CAMTA1: variants seen among roughly 807,000 people sequenced by gnomAD.
CAMTA1 encodes the protein calmodulin-binding transcription activator 1.
In CAMTA1, 27 loss-of-function variants were observed where a neutral mutation model predicts 170.9. The ratio of observed to expected loss-of-function variants is 0.16; its 90% CI spans 0.12 to 0.22. CAMTA1 has a LOEUF of 0.22. CAMTA1 is among the 10% of genes least tolerant of loss of function. The probability of loss-of-function intolerance (pLI) is 1.00; values close to 1 mark genes in which losing one functional copy is unlikely to be tolerated. For missense variants in CAMTA1, 1,619 were observed against 2,217.2 expected, an observed-to-expected ratio of 0.73 and a Z score of 5.42; for synonymous variants, 833 against 891.5, an observed-to-expected ratio of 0.93 and a Z score of 1.17.
chr1:7,226,840 AT>A (rs1331246029), intron 4 of CAMTA1, among the ~76,000 whole-genome samples: 7 of 148,844 alleles, frequency 4.7e-5, no homozygotes, highest in African/African-American at 9.9e-5. Context: ...TTTATTTTTT[AT>A]TTTTTTTTTG....
intron 5 of CAMTA1, among the ~76,000 whole-genome samples, chr1:7,373,767 T>A (rs1337325885): frequency 6.6e-6 from 1 of 152,276 alleles, no homozygotes; most frequent in Non-Finnish European, 1.5e-5. Flanking sequence ...AAATACCCCA[T>A]CAATAGTGCA....
intron 6 of CAMTA1, among the ~76,000 whole-genome samples, chr1:7,526,467 G>A (rs2094433080): frequency 6.6e-6 from 1 of 152,200 alleles, no homozygotes; most frequent in Non-Finnish European, 1.5e-5. Flanking sequence ...CTGAGGCCTG[G>A]AGCCCTGAGG....
intron 4 of CAMTA1, among the ~76,000 whole-genome samples, chr1:7,111,658 G>A (rs145285958): frequency 1.7e-3 from 258 of 152,126 alleles, no homozygotes; most frequent in African/African-American, 5.9e-3. Context: ...GGATGAGGTG[G>A]GCAGATCACG....
At chr1:7,480,129 G>A (rs1212303859) in intron 6 of CAMTA1, among the ~76,000 whole-genome samples, 3 of 136,356 alleles carry the variant, frequency 2.2e-5, no homozygotes, top group Admixed American at 7.3e-5. Flanking sequence ...GTGTGAGTAT[G>A]TGTGTGTGAG....
chr1:6,917,892 A>C, intron 3 of CAMTA1, among the ~76,000 whole-genome samples: 1 of 150,838 alleles, frequency 6.6e-6, no homozygotes, highest in East Asian at 1.9e-4. Flanking sequence ...GCTGTGAACA[A>C]GGGACAGTAT....
chr1:6,973,015 C>A (rs1178910583), intron 3 of CAMTA1, among the ~76,000 whole-genome samples: 1 of 152,064 alleles, frequency 6.6e-6, no homozygotes. Context: ...CCATGCCTGG[C>A]TAATTTTTGT....
intron 3 of CAMTA1, among the ~76,000 whole-genome samples, chr1:6,948,822 C>T (rs1022912090): frequency 2.6e-5 from 4 of 152,176 alleles, no homozygotes; most frequent in African/African-American, 7.2e-5. Context: ...CCAAATTCTA[C>T]CTGCTTTCCT....
chr1:7,502,582 C>T (rs900250377), intron 6 of CAMTA1, among the ~76,000 whole-genome samples: 8 of 152,146 alleles, frequency 5.3e-5, no homozygotes, highest in Non-Finnish European at 7.3e-5. Context: ...CTTCAGCCCC[C>T]GGCTTTCCCA....
At chr1:7,484,275 G>C (rs1470855637) in intron 6 of CAMTA1, among the ~76,000 whole-genome samples, 1 of 152,162 alleles carries the variant, frequency 6.6e-6, no homozygotes, top group African/African-American at 2.4e-5. Flanking sequence ...CCCAGTCCCA[G>C]GAGACTGAGC....
intron 6 of CAMTA1, among the ~76,000 whole-genome samples, chr1:7,516,436 C>A (rs903004254): frequency 8.5e-5 from 13 of 152,214 alleles, no homozygotes; most frequent in African/African-American, 2.7e-4. Flanking sequence ...AGGGAGCTCA[C>A]CGGCCAGAGC....
intron 3 of CAMTA1, among the ~76,000 whole-genome samples, chr1:6,909,299 T>A (rs777605363): frequency 7.2e-5 from 11 of 152,224 alleles, no homozygotes; most frequent in Non-Finnish European, 1.5e-4. Context: ...TTGGATACAG[T>A]ATGTCTGAAT....
intron 3 of CAMTA1, among the ~76,000 whole-genome samples, chr1:6,833,110 G>A (rs1327301195): frequency 6.6e-6 from 1 of 152,144 alleles, no homozygotes; most frequent in Non-Finnish European, 1.5e-5. Flanking sequence ...GACAGGTGAA[G>A]GCAGGTTTGA....
Position 6,823,566 on chromosome 1 carries a change from C to A in CAMTA1, c.116-1526C>A, listed in dbSNP as rs192818884. Among the ~76,000 whole-genome samples, 3 of 152,160 alleles carry A rather than the reference C, an allele frequency of 2.0e-5. No homozygotes were observed. In the East Asian group the frequency reaches 5.8e-4, roughly 29 times the overall value. On this transcript the variant is annotated intron_variant, in intron 2 of 22. Coordinates refer to ENST00000303635, the MANE Select transcript of CAMTA1 (RefSeq NM_015215.4). ...AAAAGATTTAGTATGCCAAAACTCT[C>A]TTAAGTTCATCTCCATAAAATCTTT...
chr1:7,242,771 A>AAAATAAAAT (rs531520105), intron 4 of CAMTA1, among the ~76,000 whole-genome samples: 1 of 145,468 alleles, frequency 6.9e-6, no homozygotes, highest in African/African-American at 2.6e-5. Context: ...TACTGAAAAT[A>AAAATAAAAT]AAATAAATAA....
intron 20 of CAMTA1, 47 bp downstream of exon 20, chr1:7,751,439 A>G (rs376779991): frequency 3.8e-5 from 57 of 1,481,238 alleles, no homozygotes; most frequent in Non-Finnish European, 4.6e-5. Context: ...AGGGAAGAGA[A>G]CTCTGACTTC....
At chr1:7,495,649 C>T (rs970467212) in intron 6 of CAMTA1, among the ~76,000 whole-genome samples, 13 of 152,222 alleles carry the variant, frequency 8.5e-5, no homozygotes, top group Admixed American at 8.5e-4. Flanking sequence ...ACACCCTACA[C>T]ACTTTGCCTT....
In CAMTA1 at chr1:6,812,693, A is replaced by G. The variant is rs116511071; in HGVS notation, c.46-7488A>G. ...TTATGAAAATTCTAATGATACTGTG[A>G]TTCATATCTAGAAAGAATAATTTAA... is the stretch of plus-strand genomic sequence containing the variant. On this transcript the variant is annotated intron_variant, in intron 1 of 22. Transcript: ENST00000303635. 2.8e-3 allele frequency among the ~76,000 whole-genome samples: 430 copies of G among 152,316 alleles called. 3 individuals carry two copies. Among genetic ancestry groups the G allele is most frequent in the African/African-American group, 9.8e-3 (408 of 41,560 alleles).
At chr1:7,605,897 G>A (rs1171652589) in intron 6 of CAMTA1, among the ~76,000 whole-genome samples, 1 of 152,246 alleles carries the variant, frequency 6.6e-6, no homozygotes, top group African/African-American at 2.4e-5. Flanking sequence ...GCTGGGTTCT[G>A]TGGCCTAGTC....
At chr1:7,710,858 T>TG (rs2096565322) in intron 11 of CAMTA1, among the ~76,000 whole-genome samples, 1 of 152,138 alleles carries the variant, frequency 6.6e-6, no homozygotes, top group African/African-American at 2.4e-5. Flanking sequence ...AAGACAGCTC[T>TG]TATTTCCCTG....
Sources: allele counts gnomAD v4.1 joint callset (sites outside exome capture counted in the v4.1 genomes callset), GRCh38; gene constraint gnomAD v4.1.1; transcripts MANE v1.5; gene names NCBI Gene and HGNC (gene_info 2026-07-23, HGNC 2026-07-21).